The following PCDH11X variants were observed in gnomAD, a reference collection of about 807,000 sequenced individuals.
PCDH11X encodes the protein protocadherin-11 X-linked.
Under a neutral mutation model 53.3 loss-of-function variants are expected in PCDH11X, and 18 were observed. That is an observed-to-expected ratio of 0.34 (90% CI 0.23 to 0.50). The LOEUF is 0.50. PCDH11X is among the 20% of genes least tolerant of loss of function. The pLI, the probability that PCDH11X is intolerant of heterozygous loss-of-function variation, is 0.98. For synonymous variants in PCDH11X, 279 were observed against 393.3 expected, an observed-to-expected ratio of 0.71 and a Z score of 3.44; for missense variants, 570 against 1,032.4, an observed-to-expected ratio of 0.55 and a Z score of 6.14.
chrX:91,968,088 A>T (rs1433944290), intron 6 of PCDH11X, among the ~76,000 whole-genome samples: 1 of 111,828 alleles, frequency 8.9e-6, no homozygotes, highest in Non-Finnish European at 1.9e-5. Context: ...AGTGAATTGA[A>T]AAGCAAGCCT....
intron 9 of PCDH11X, among the ~76,000 whole-genome samples, chrX:92,428,094 C>T (rs1352651768): frequency 1.2e-4 from 12 of 102,850 alleles, no homozygotes; most frequent in African/African-American, 3.5e-4. Context: ...CAAATGATAG[C>T]GCAGCATCTC....
intron 8 of PCDH11X, among the ~76,000 whole-genome samples, chrX:92,277,809 GT>G (rs1339158939): frequency 9.0e-6 from 1 of 110,561 alleles, no homozygotes; most frequent in Non-Finnish European, 1.9e-5. Flanking sequence ...AGGAGATGGG[GT>G]TGAAGGGTAC....
intron 8 of PCDH11X, among the ~76,000 whole-genome samples, chrX:92,301,709 A>G (rs760945573): frequency 1.8e-5 from 2 of 109,714 alleles, no homozygotes; most frequent in Admixed American, 9.7e-5. Context: ...TTTACATTCC[A>G]GATATTATTC....
Position 92,111,779 on chromosome X carries a change from A to T in PCDH11X, c.3034-89596A>T, listed in dbSNP as rs1350859811. On this transcript the variant is annotated intron_variant, in intron 6 of 10. Transcript: ENST00000682573. Reference sequence around the variant, plus strand: ...TTATTTATTTATTTATTTATCTGAGACAGAGTCTCACTCTGTCGCCCAGGC... The same window carrying T: ...TTATTTATTTATTTATTTATCTGAGTCAGAGTCTCACTCTGTCGCCCAGGC... Among the ~76,000 whole-genome samples, 56 of 108,701 alleles carry T rather than the reference A, an allele frequency of 5.2e-4. 2 individuals carry two copies. The Admixed American group carries it at 5.2e-3, about 10-fold the overall frequency. 94.4% of individuals were successfully genotyped at this position (108,701 alleles called of 115,157 possible). A position where few individuals can be genotyped will look rare whatever the true frequency, so the allele number is the denominator to read the frequency against.
In PCDH11X at chrX:92,526,922, C is replaced by T. The variant is rs775334563; in HGVS notation, c.3367+58600C>T. Reference sequence around the variant, plus strand: ...ATGAATGGAGAAAGAAAATGTGGTACATACACACAGTGGTATACTATTTAG... The same window carrying T: ...ATGAATGGAGAAAGAAAATGTGGTATATACACACAGTGGTATACTATTTAG... On this transcript the variant is annotated intron_variant, in intron 10 of 10. Coordinates refer to ENST00000682573, the MANE Select transcript of PCDH11X (RefSeq NM_032968.5). Among the ~76,000 whole-genome samples the T allele has an allele frequency of 6.3e-5, 7 of 110,370 alleles. No individual in the cohort carries two copies. The South Asian group carries it at 2.7e-3, about 43-fold the overall frequency.
At chrX:91,960,528 G>C (rs186492201) in intron 6 of PCDH11X, among the ~76,000 whole-genome samples, 1 of 110,464 alleles carries the variant, frequency 9.1e-6, no homozygotes, top group Non-Finnish European at 1.9e-5. Flanking sequence ...AGGTTCAAGC[G>C]ATTCTCCCAC....
chrX:91,993,622 G>A (rs2062363474), intron 6 of PCDH11X, among the ~76,000 whole-genome samples: 1 of 111,038 alleles, frequency 9.0e-6, no homozygotes, highest in Non-Finnish European at 1.9e-5. Context: ...AGAAAGAGTT[G>A]GAGGTTAGGG....
intron 10 of PCDH11X, among the ~76,000 whole-genome samples, chrX:92,599,618 T>G: frequency 8.9e-6 from 1 of 112,109 alleles, no homozygotes; most frequent in Middle Eastern, 4.6e-3. Flanking sequence ...TACCCAGTTT[T>G]GGGTATTTCT....
At chrX:91,925,236 T>C (rs1941903854) in intron 6 of PCDH11X, among the ~76,000 whole-genome samples, 1 of 110,891 alleles carries the variant, frequency 9.0e-6, no homozygotes, top group African/African-American at 3.3e-5. Flanking sequence ...TAGCCCATAG[T>C]TCAGCAAAAT....
Position 91,994,686 on chromosome X carries a change from T to C in PCDH11X, c.3033+115413T>C, listed in dbSNP as rs187378699. On this transcript the variant is annotated intron_variant, in intron 6 of 10. Transcript: ENST00000682573. ...CAGAAGTGGGATGGCTGAATCACAT[T>C]GTAGGTCTATTTTCAAGGTGTTGAG... 4.2e-3 allele frequency among the ~76,000 whole-genome samples: 458 copies of C among 110,359 alleles called. 1 individual carries two copies. Among genetic ancestry groups the C allele is most frequent in the Non-Finnish European group, 6.3e-3 (333 of 52,845 alleles).
intron 1 of PCDH11X, among the ~76,000 whole-genome samples, chrX:91,804,146 G>C (rs1014633997): frequency 8.0e-5 from 9 of 111,998 alleles, no homozygotes; most frequent in African/African-American, 2.6e-4. Context: ...TTACCAAAAA[G>C]TCTTTTCAAA....
chrX:92,306,439 T>C (rs2068830341), intron 8 of PCDH11X, among the ~76,000 whole-genome samples: 1 of 108,348 alleles, frequency 9.2e-6, no homozygotes, highest in Non-Finnish European at 1.9e-5. Context: ...ATCCATGAGA[T>C]TAAGAATTGT....
At chrX:92,192,797 G>T (rs868751717) in intron 6 of PCDH11X, among the ~76,000 whole-genome samples, 1 of 110,921 alleles carries the variant, frequency 9.0e-6, no homozygotes, top group African/African-American at 3.3e-5. Flanking sequence ...GGAGTGCAGT[G>T]GTGCTGTTTT....
intron 9 of PCDH11X, among the ~76,000 whole-genome samples, chrX:92,405,821 G>C (rs4564049): frequency 1.4e-4 from 15 of 111,083 alleles, no homozygotes; most frequent in Non-Finnish European, 2.8e-4. Flanking sequence ...TAGGCCGGGC[G>C]CAGTGGCTCA....
chrX:91,954,090 G>C (rs1245732003), intron 6 of PCDH11X, among the ~76,000 whole-genome samples: 1 of 110,074 alleles, frequency 9.1e-6, no homozygotes, highest in East Asian at 2.9e-4. Context: ...GCATCGATTA[G>C]GTATTTTTCT....
chrX:92,293,370 A>T (rs931056843), intron 8 of PCDH11X, among the ~76,000 whole-genome samples: 3 of 110,620 alleles, frequency 2.7e-5, no homozygotes, highest in African/African-American at 9.9e-5. Context: ...GAGGCCTGTA[A>T]TCCCAGCACT....
At chrX:92,129,565 C>T (rs957183707) in intron 6 of PCDH11X, among the ~76,000 whole-genome samples, 1 of 111,926 alleles carries the variant, frequency 8.9e-6, no homozygotes, top group African/African-American at 3.2e-5. Context: ...TCCAAAGAAG[C>T]GGTTAAGCCT....
intron 6 of PCDH11X, among the ~76,000 whole-genome samples, chrX:92,106,153 CAG>C (rs747066703): frequency 1.2e-4 from 13 of 109,084 alleles, no homozygotes; most frequent in Non-Finnish European, 2.5e-4. Flanking sequence ...ATTGTTGAAT[CAG>C]ATTAACGTTA....
At chrX:92,036,348 G>T (rs1159080496) in intron 6 of PCDH11X, among the ~76,000 whole-genome samples, 1 of 108,815 alleles carries the variant, frequency 9.2e-6, no homozygotes, top group Admixed American at 1.0e-4. Context: ...ATCTTGAATT[G>T]TAACTCCTAC....
Sources: allele counts gnomAD v4.1 joint callset (sites outside exome capture counted in the v4.1 genomes callset), GRCh38; gene constraint gnomAD v4.1.1; transcripts MANE v1.5; gene names NCBI Gene and HGNC (gene_info 2026-07-23, HGNC 2026-07-21).